EED: variants seen among roughly 807,000 people sequenced by gnomAD.
EED encodes the protein polycomb protein EED.
A neutral mutation model predicts 61.0 loss-of-function variants in EED; 9 were observed. That is an observed-to-expected ratio of 0.15 (90% CI 0.09 to 0.26). The LOEUF (loss-of-function observed/expected upper bound fraction) is 0.26, where lower values mean the gene tolerates loss of function less well. Among genes scored for constraint, EED ranks in the 10% least tolerant of loss-of-function variants. The pLI is 1.00. For missense variants in EED, 315 were observed against 542.3 expected (o/e 0.58, Z 4.16); for synonymous variants, 187 against 174.4 (o/e 1.07, Z -0.57).
chr11:86,276,446 T>C (rs949166311), intron 9 of EED: 3 of 152,194 alleles, frequency 2.0e-5, no homozygotes, highest in Admixed American at 2.0e-4. Flanking sequence ...TCAACTTTCC[T>C]AAGATACCTG....
chr11:86,245,195 C>T lies in EED; in HGVS notation c.-35C>T, dbSNP rs775948809. ...ACGGCGGTGTGGCGGAGGCCCCGCC[C>T]CAGGCGGCAGGAACCTGGAGGGAGG... On this transcript the variant is annotated 5_prime_UTR_variant, in exon 1 of 12. Coordinates refer to ENST00000263360, the MANE Select transcript of EED (RefSeq NM_003797.5). 18 of 1,573,146 alleles carry T rather than the reference C, an allele frequency of 1.1e-5. No individual in the cohort carries two copies. The highest frequency in any genetic ancestry group is 4.5e-5 in the South Asian group (4 of 89,686).
chr11:86,266,354 C>T (rs919874361), intron 8 of EED, 138 bp downstream of exon 8: 1 of 681,612 alleles, frequency 1.5e-6, no homozygotes, highest in Non-Finnish European at 2.2e-6. Context: ...AATTTACATA[C>T]TGTAAAATTC....
chr11:86,248,561 G>A (rs1945446323), intron 1 of EED, among the ~76,000 whole-genome samples: 1 of 152,116 alleles, frequency 6.6e-6, no homozygotes, highest in South Asian at 2.1e-4. Flanking sequence ...TGGTTAACCC[G>A]CAAAATCAAA....
downstream of EED, among the ~76,000 whole-genome samples, chr11:86,283,157 T>C (rs1163441058): frequency 7.2e-6 from 1 of 139,346 alleles, no homozygotes; most frequent in African/African-American, 2.5e-5. Flanking sequence ...ACAAAATAAG[T>C]CTTAAGGAGG....
In EED at chr11:86,245,436, G is replaced by C. The variant is rs2291813; in HGVS notation, c.114+93G>C. Reference sequence around the variant, plus strand: ...CGCGGGGACGAGCGGGCTGCTGTGGGGGGAGGGAGAGGTGTCACTCAGGAA... The same window carrying C: ...CGCGGGGACGAGCGGGCTGCTGTGGCGGGAGGGAGAGGTGTCACTCAGGAA... On this transcript the variant is annotated intron_variant, in intron 1 of 11. Coordinates refer to ENST00000263360, the MANE Select transcript of EED (RefSeq NM_003797.5). 6 of 1,057,024 alleles carry C rather than the reference G, an allele frequency of 5.7e-6. No individual in the cohort carries two copies. The Admixed American group carries it at 9.0e-5, about 16-fold the overall frequency. The allele number at this position is 1,057,024 out of a possible 1,614,324, so 65.5% of individuals were successfully genotyped here.
chr11:86,263,619 A>C (rs1213566132), intron 6 of EED, among the ~76,000 whole-genome samples: 1 of 152,172 alleles, frequency 6.6e-6, no homozygotes, highest in Non-Finnish European at 1.5e-5. Context: ...GGGCTTAAGC[A>C]GTCCTCCCAT....
chr11:86,254,075 A>AAAAAAAAAAG (rs1945606522), intron 3 of EED, among the ~76,000 whole-genome samples: 9 of 138,528 alleles, frequency 6.5e-5, no homozygotes, highest in Admixed American at 1.5e-4. Flanking sequence ...AAAAAAAAAA[A>AAAAAAAAAAG]GAAAATGGAA....
intron 4 of EED, 87 bp from the exon 5 acceptor site, chr11:86,256,298 CTT>C: frequency 7.7e-7 from 1 of 1,294,564 alleles, no homozygotes; most frequent in East Asian, 2.5e-5. Context: ...GTGTCAAAAA[CTT>C]TAGCAGTTCT....
intron 7 of EED, 67 bp downstream of exon 7, chr11:86,264,330 GT>G: frequency 8.9e-7 from 1 of 1,125,756 alleles, no homozygotes; most frequent in South Asian, 1.5e-5. Flanking sequence ...CCATGGAACT[GT>G]TTCCTTATAA....
At chr11:86,251,051 G>A (rs1396559432) in intron 2 of EED, among the ~76,000 whole-genome samples, 2 of 151,974 alleles carry the variant, frequency 1.3e-5, no homozygotes, top group Non-Finnish European at 2.9e-5. Flanking sequence ...TTTTATATAT[G>A]TCCAGTTTGT....
intron 2 of EED, among the ~76,000 whole-genome samples, chr11:86,251,117 TA>T (rs1945520662): frequency 6.6e-6 from 1 of 152,160 alleles, no homozygotes; most frequent in Non-Finnish European, 1.5e-5. Context: ...TATTATCTCA[TA>T]CATATGTAAG....
the EED span, among the ~76,000 whole-genome samples, chr11:86,285,847 C>T: frequency 0.052 from 7,942 of 152,166 alleles, 290 homozygotes; most frequent in East Asian, 0.14. Flanking sequence ...ATCCAACCTG[C>T]CTCAGCCTCC....
At chr11:86,271,848 C>T (rs1946118510) in intron 9 of EED, among the ~76,000 whole-genome samples, 1 of 150,718 alleles carries the variant, frequency 6.6e-6, no homozygotes, top group Admixed American at 6.6e-5. Context: ...ACTTGATCAT[C>T]CTGTGTAATT....
chr11:86,257,503 A>C lies in EED; in HGVS notation c.553-12A>C, dbSNP rs1419335276. 22 of 1,587,312 alleles carry C rather than the reference A, an allele frequency of 1.4e-5. No individual in the cohort carries two copies. Among genetic ancestry groups the C allele is most frequent in the Admixed American group, 1.9e-5 (1 of 53,280 alleles). On this transcript the variant is annotated splice_polypyrimidine_tract_variant and intron_variant, in intron 5 of 11. Coordinates refer to ENST00000263360, the MANE Select transcript of EED (RefSeq NM_003797.5). ...GAGATAGGAAACTTGAAATGTTTTA[A>C]ATTTATTGTAGCACTATGTTGGCCA...
chr11:86,257,337 G>A (rs1371436457), intron 5 of EED, among the ~76,000 whole-genome samples, 178 bp from the exon 6 acceptor site: 1 of 148,544 alleles, frequency 6.7e-6, no homozygotes, highest in African/African-American at 2.5e-5. Flanking sequence ...CTGTGCCTGG[G>A]GTCTTTTTTT....
At chr11:86,264,503 C>A (rs1945925914) in intron 7 of EED, 2 of 338,032 alleles carry the variant, frequency 5.9e-6, no homozygotes, top group South Asian at 1.4e-4. Context: ...CTTATGAGAG[C>A]AGTATGATCT....
intron 7 of EED, chr11:86,264,538 T>A (rs1254115082): frequency 1.4e-5 from 4 of 283,072 alleles, no homozygotes; most frequent in African/African-American, 8.7e-5. Context: ...TAATCTAAAA[T>A]CACTAAGTTA....
At chr11:86,250,274 T>A in intron 1 of EED, 22 bp from the exon 2 acceptor site, 7 of 1,474,774 alleles carry the variant, frequency 4.7e-6, no homozygotes, top group Non-Finnish European at 6.3e-6. Context: ...TCATGTAATT[T>A]TTCCTCATTT....
At position 86,266,070 on chromosome 11, in the gene EED, GT is replaced by G; in HGVS notation, c.727-9del. ...GCTGTAATTTATATAAAACTTTTTG[GT>G]TTTGCATACAGGATTATGATCTTTT... On this transcript the variant is annotated splice_polypyrimidine_tract_variant and intron_variant, in intron 7 of 11. Coordinates refer to ENST00000263360, the MANE Select transcript of EED (RefSeq NM_003797.5). 1 of 1,566,732 alleles carries G rather than the reference GT, an allele frequency of 6.4e-7. No homozygotes were observed. The highest frequency in any genetic ancestry group is 8.6e-7 in the Non-Finnish European group (1 of 1,161,462).
Sources: gnomAD v4.1 joint callset for allele counts (sites outside exome capture counted in the v4.1 genomes callset) on GRCh38, gnomAD v4.1.1 for gene constraint, MANE v1.5 for transcripts, NCBI Gene and HGNC (gene_info 2026-07-23, HGNC 2026-07-21) for gene names.